The following ZNF518B variants were observed in gnomAD, a reference collection of about 807,000 sequenced individuals.
The protein encoded by ZNF518B is zinc finger protein 518B.
In ZNF518B, 23 loss-of-function variants were observed where a neutral mutation model predicts 56.3. The observed-to-expected ratio is 0.41, with a 90% CI of 0.29 to 0.58. The LOEUF (loss-of-function observed/expected upper bound fraction) is 0.58, where lower values mean the gene tolerates loss of function less well. Among genes scored for constraint, ZNF518B ranks in the 20% least tolerant of loss-of-function variants. The probability of loss-of-function intolerance (pLI) is 0.32; values close to 1 mark genes in which losing one functional copy is unlikely to be tolerated. For missense variants in ZNF518B, 1,460 were observed against 1,272.1 expected (o/e 1.15, Z -2.25); for synonymous variants, 529 against 465.9 (o/e 1.14, Z -1.74).
chr4:10,443,636 C>A lies in ZNF518B; in HGVS notation c.2693G>T (p.Arg898Met), dbSNP rs781534395. Reference sequence around the variant, plus strand: ...TTCAGCTTGAATTTTGTTTTTCTTCCTGGATAAGTGTACTTGTTTGGTTTT... The same window carrying A: ...TTCAGCTTGAATTTTGTTTTTCTTCATGGATAAGTGTACTTGTTTGGTTTT... Reference protein sequence around the residue: ...RNKTKQVHLSRKKNKIQAEPS... With the variant: ...RNKTKQVHLSMKKNKIQAEPS... Residue 898 changes from arginine to methionine, a missense_variant, in exon 3 of 3, where the codon AGG becomes ATG. Physicochemically the swap from Arg to Met is moderately conservative, Grantham distance 91. Coordinates refer to ENST00000326756, the MANE Select transcript of ZNF518B (RefSeq NM_053042.3). 32 of 1,613,980 alleles carry A rather than the reference C, an allele frequency of 2.0e-5. No homozygotes were observed. Among genetic ancestry groups the A allele is most frequent in the Non-Finnish European group, 2.7e-5 (32 of 1,179,990 alleles).
intron 1 of ZNF518B, among the ~76,000 whole-genome samples, chr4:10,456,180 T>C (rs1453756046): frequency 6.6e-6 from 1 of 152,108 alleles, no homozygotes; most frequent in African/African-American, 2.4e-5. Context: ...AAATAGGACA[T>C]AATGCTCTGT....
At chr4:10,459,394 G>A (rs759720281), upstream of ZNF518B, among the ~76,000 whole-genome samples, 2 of 152,126 alleles carry the variant, frequency 1.3e-5, no homozygotes, top group Admixed American at 1.3e-4. Context: ...TTCCCTACAC[G>A]TCTGCCCTTC....
upstream of ZNF518B, among the ~76,000 whole-genome samples, chr4:10,459,005 G>A: frequency 6.6e-6 from 1 of 152,154 alleles, no homozygotes. Context: ...GTACCTGTGG[G>A]TCTCCTGGGA....
Position 10,442,240 on chromosome 4 carries a change from G to A in ZNF518B, c.*864C>T, listed in dbSNP as rs1714714568. On this transcript the variant is annotated 3_prime_UTR_variant, in exon 3 of 3. Coordinates refer to ENST00000326756, the MANE Select transcript of ZNF518B (RefSeq NM_053042.3). ...AGCCTACCTTGAACTGTGTTTGCGAGTTTTACCTATGTTGTAAGCCTGTTC... is the reference window on the plus strand; with the variant it reads ...AGCCTACCTTGAACTGTGTTTGCGAATTTTACCTATGTTGTAAGCCTGTTC... 1 of 152,202 alleles carries A rather than the reference G, an allele frequency of 6.6e-6. No homozygotes were observed. The highest frequency in any genetic ancestry group is 2.4e-5 in the African/African-American group (1 of 41,464). 9.4% of individuals were successfully genotyped at this position (152,202 alleles called of 1,614,324 possible). A position where few individuals can be genotyped will look rare whatever the true frequency, so the allele number is the denominator to read the frequency against.
chr4:10,444,265 A>T lies in ZNF518B; in HGVS notation c.2064T>A (p.His688Gln). Reference sequence around the variant, plus strand: ...TTGATGCCTGCCCTACAGAGCGACGATGTGCACTATTTGAAGCCAAAGATG... The same window carrying T: ...TTGATGCCTGCCCTACAGAGCGACGTTGTGCACTATTTGAAGCCAAAGATG... Reference protein sequence around the residue: ...KPSSLASNSAHRRSVGQASKG... With the variant: ...KPSSLASNSAQRRSVGQASKG... The change falls in exon 3 of 3, where the codon CAT (histidine) becomes CAA (glutamine). Residue 688 changes from histidine (H) to glutamine (Q), a missense_variant. Transcript: ENST00000326756. 1 of 1,614,196 alleles carries T rather than the reference A, an allele frequency of 6.2e-7. No homozygotes were observed. The highest frequency in any genetic ancestry group is 8.5e-7 in the Non-Finnish European group (1 of 1,180,030).
rs1714643762 is a variant in ZNF518B at position 10,440,866 on chromosome 4, A to C, written c.*2238T>G. 1 of 152,464 alleles carries C rather than the reference A, an allele frequency of 6.6e-6. No homozygotes were observed. The highest frequency in any genetic ancestry group is 2.1e-4 in the South Asian group (1 of 4,828). 9.4% of individuals were successfully genotyped at this position (152,464 alleles called of 1,614,324 possible). ...GAGATAAAAAAGTGGCAAACAAAAC[A>C]AAACAAAAAAAAACCACAGCCTTTT... On this transcript the variant is annotated 3_prime_UTR_variant, in exon 3 of 3. Transcript: ENST00000326756.
Position 10,443,907 on chromosome 4 carries a change from T to A in ZNF518B, c.2422A>T (p.Ile808Leu), listed in dbSNP as rs199905212. Residue 808 changes from isoleucine to leucine, a missense_variant, in exon 3 of 3, where the codon ATA (isoleucine) becomes TTA (leucine). Coordinates refer to ENST00000326756, the MANE Select transcript of ZNF518B (RefSeq NM_053042.3). ...VSIPCSERQLIKPVPFCPVRQ... is the reference protein window; with the variant it reads ...VSIPCSERQLLKPVPFCPVRQ... Reference sequence around the variant, plus strand: ...ACAGGGCAAAATGGAACTGGTTTTATTAACTGTCTTTCACTGCAAGGTATG... The same window carrying A: ...ACAGGGCAAAATGGAACTGGTTTTAATAACTGTCTTTCACTGCAAGGTATG... 1.5e-5 allele frequency: 25 copies of A among 1,614,126 alleles called. No homozygotes were observed. Among genetic ancestry groups the A allele is most frequent in the Non-Finnish European group, 2.1e-5 (25 of 1,180,048 alleles).
At position 10,446,524 on chromosome 4, in the gene ZNF518B, G is replaced by T; in HGVS notation, c.-196C>A. 1.9e-6 allele frequency: 1 copy of T among 533,370 alleles called. No homozygotes were observed. Among genetic ancestry groups the T allele is most frequent in the Non-Finnish European group, 3.4e-6 (1 of 295,550 alleles). The allele number at this position is 533,370 out of a possible 1,614,324, so 33.0% of individuals were successfully genotyped here. A position where few individuals can be genotyped will look rare whatever the true frequency, so the allele number is the denominator to read the frequency against. On this transcript the variant is annotated 5_prime_UTR_variant, in exon 3 of 3. An upstream open reading frame in the 5' UTR gains an earlier in-frame stop. Coordinates refer to ENST00000326756, the MANE Select transcript of ZNF518B (RefSeq NM_053042.3). The stretch of plus-strand genomic sequence containing the variant: ...AAAATATGACTGCTTTCAGCTCTCT[G>T]ACATTCCAGGTAACACTAAAGGAAA...
In ZNF518B at chr4:10,443,374, G is replaced by C. The variant is rs1483405329; in HGVS notation, c.2955C>G (p.Ile985Met). Reference protein sequence around the residue: ...LSERTRCQLGIRRHHVRLTYQ... With the variant: ...LSERTRCQLGMRRHHVRLTYQ... ...AGGTCAGGCGTACATGATGCCGTCT[G>C]ATGCCTAGCTGACACCTAGTCCTCT... Residue 985 changes from isoleucine (I) to methionine (M), a missense_variant, in exon 3 of 3, where the codon ATC (isoleucine) becomes ATG (methionine). Physicochemically the swap from Ile to Met is conservative, Grantham distance 10. Coordinates refer to ENST00000326756, the MANE Select transcript of ZNF518B (RefSeq NM_053042.3). The C allele has an allele frequency of 1.2e-6, 2 of 1,614,234 alleles. No individual in the cohort carries two copies. The highest frequency in any genetic ancestry group is 1.7e-5 in the Admixed American group (1 of 60,026).
chr4:10,453,593 T>C lies in ZNF518B; in HGVS notation c.-212+1212A>G, dbSNP rs532481827. 6 of 152,226 alleles carry C rather than the reference T, an allele frequency of 3.9e-5. No individual in the cohort carries two copies. In the East Asian group the frequency reaches 1.2e-3, roughly 29 times the overall value. The allele number at this position is 152,226 out of a possible 1,614,324, so 9.4% of individuals were successfully genotyped here. A position where few individuals can be genotyped will look rare whatever the true frequency, so the allele number is the denominator to read the frequency against. On this transcript the variant is annotated intron_variant, in intron 2 of 2. Coordinates refer to ENST00000326756, the MANE Select transcript of ZNF518B (RefSeq NM_053042.3). ...AAAAAATGTGAAAGAGCAAATATGC[T>C]CTTGTTAAGCATTAAAAATACATAT... is the stretch of plus-strand genomic sequence containing the variant.
chr4:10,445,487 G>A lies in ZNF518B; in HGVS notation c.842C>T (p.Pro281Leu). ...AACTACATCTTTTTGGTATTCCTTT[G>A]GTTCAGGTAACAACATGATATTGTG... The part of the protein sequence containing the change: ...KMHNIMLLPE[P>L]KEYQKDVVCI... Residue 281 changes from proline to leucine, a missense_variant, in exon 3 of 3, where the codon CCA (proline) becomes CTA (leucine). Transcript: ENST00000326756. 6.2e-7 allele frequency: 1 copy of A among 1,614,144 alleles called. No individual in the cohort carries two copies. The highest frequency in any genetic ancestry group is 2.2e-5 in the East Asian group (1 of 44,888).
chr4:10,443,645 T>G lies in ZNF518B; in HGVS notation c.2684A>C (p.His895Pro), dbSNP rs1714794147. 3.1e-6 allele frequency: 5 copies of G among 1,613,918 alleles called. No individual in the cohort carries two copies. Among genetic ancestry groups the G allele is most frequent in the African/African-American group, 1.3e-5 (1 of 74,882 alleles). ...SISRNKTKQV[H>P]LSRKKNKIQA... ...AATTTTGTTTTTCTTCCTGGATAAG[T>G]GTACTTGTTTGGTTTTATTTCTACT... The change falls in exon 3 of 3, where the codon CAC (histidine) becomes CCC (proline). Residue 895 changes from histidine to proline, a missense_variant. His to Pro is a moderately conservative substitution (Grantham distance 77). Coordinates refer to ENST00000326756, the MANE Select transcript of ZNF518B (RefSeq NM_053042.3).
At position 10,442,882 on chromosome 4, in the gene ZNF518B, T is replaced by C; in HGVS notation, c.*222A>G. 1 of 503,258 alleles carries C rather than the reference T, an allele frequency of 2.0e-6. No homozygotes were observed. Among genetic ancestry groups the C allele is most frequent in the Non-Finnish European group, 3.5e-6 (1 of 286,170 alleles). 31.2% of individuals were successfully genotyped at this position (503,258 alleles called of 1,614,324 possible). Reference sequence around the variant, plus strand: ...CACAGGCTCTCTCCAGAAAAATGCATATGTACCAATTTGCATGTACAATTT... The same window carrying C: ...CACAGGCTCTCTCCAGAAAAATGCACATGTACCAATTTGCATGTACAATTT... On this transcript the variant is annotated 3_prime_UTR_variant, in exon 3 of 3. Coordinates refer to ENST00000326756, the MANE Select transcript of ZNF518B (RefSeq NM_053042.3).
chr4:10,443,611 T>C lies in ZNF518B; in HGVS notation c.2718A>G (p.Glu906=), dbSNP rs753535344. The change falls in exon 3 of 3, where the codon GAA becomes GAG. Residue 906 remains glutamate (E), a synonymous_variant. Transcript: ENST00000326756. The part of the protein sequence containing the change: ...LSRKKNKIQA[E]PSRCLKDPSI... ...AAGGATCCTTGAGACAGCGGCTAGG[T>C]TCAGCTTGAATTTTGTTTTTCTTCC... is the stretch of plus-strand genomic sequence containing the variant. 1.2e-6 allele frequency: 2 copies of C among 1,614,160 alleles called. No homozygotes were observed. Among genetic ancestry groups the C allele is most frequent in the East Asian group, 2.2e-5 (1 of 44,876 alleles).
In ZNF518B at chr4:10,444,483, A is replaced by G. The variant is rs1714872969; in HGVS notation, c.1846T>C (p.Leu616=). 6.2e-7 allele frequency: 1 copy of G among 1,614,180 alleles called. No individual in the cohort carries two copies. The highest frequency in any genetic ancestry group is 8.5e-7 in the Non-Finnish European group (1 of 1,180,030). Residue 616 remains leucine, a synonymous_variant, in exon 3 of 3, where the codon TTG becomes CTG. Coordinates refer to ENST00000326756, the MANE Select transcript of ZNF518B (RefSeq NM_053042.3). The part of the protein sequence containing the change: ...DRSQQPGDKP[L]ELKNSERTNN... ...GTCCTTTCAGAATTCTTTAATTCCAAAGGCTTATCCCCAGGCTGTTGAGAT... is the reference window on the plus strand; with the variant it reads ...GTCCTTTCAGAATTCTTTAATTCCAGAGGCTTATCCCCAGGCTGTTGAGAT...
Position 10,443,279 on chromosome 4 carries a change from T to A in ZNF518B, c.3050A>T (p.His1017Leu), listed in dbSNP as rs1714766754. The A allele has an allele frequency of 1.2e-6, 2 of 1,614,228 alleles. No individual in the cohort carries two copies. The highest frequency in any genetic ancestry group is 1.7e-6 in the Non-Finnish European group (2 of 1,180,030). Reference sequence around the variant, plus strand: ...ATCCACTACCTGGTAGTTGTTTTTATGAACTTTTTTGAGTTTCATTTTCAA... The same window carrying A: ...ATCCACTACCTGGTAGTTGTTTTTAAGAACTTTTTTGAGTTTCATTTTCAA... ...MMLKMKLKKV[H>L]KNNYQVVDSL... The change falls in exon 3 of 3, where the codon CAT becomes CTT. Residue 1017 changes from histidine (H) to leucine (L), a missense_variant. By Grantham distance (99) the His-to-Leu change is moderately conservative. Coordinates refer to ENST00000326756, the MANE Select transcript of ZNF518B (RefSeq NM_053042.3).
intron 2 of ZNF518B, chr4:10,450,911 T>A (rs1391408496): frequency 6.6e-6 from 1 of 152,212 alleles, no homozygotes; most frequent in Non-Finnish European, 1.5e-5. Flanking sequence ...AAATAAGATG[T>A]CCATTTATTA....
intron 2 of ZNF518B, chr4:10,453,990 G>C (rs1026646444): frequency 6.6e-6 from 1 of 152,258 alleles, no homozygotes; most frequent in Non-Finnish European, 1.5e-5. Flanking sequence ...AGACTCCACT[G>C]TAACTGGGGA....
At chr4:10,457,714 G>T (rs1333880737), upstream of ZNF518B, among the ~76,000 whole-genome samples, 1 of 152,228 alleles carries the variant, frequency 6.6e-6, no homozygotes, top group Non-Finnish European at 1.5e-5. Context: ...GGGTCCCGCG[G>T]AGGGCGGCCT....
Sources: allele counts gnomAD v4.1 joint callset (sites outside exome capture counted in the v4.1 genomes callset), GRCh38; gene constraint gnomAD v4.1.1; transcripts MANE v1.5; gene names NCBI Gene and HGNC (gene_info 2026-07-23, HGNC 2026-07-21).